Variants in ARHGEF15 observed in about 807,000 individuals in gnomAD.
ARHGEF15 encodes the protein Rho guanine nucleotide exchange factor (GEF) 15.
ARHGEF15 carries 58 observed loss-of-function variants against 79.7 expected under a neutral mutation model. The ratio of observed to expected loss-of-function variants is 0.73; its 90% CI spans 0.59 to 0.91. The LOEUF is 0.91. Ranked by LOEUF, ARHGEF15 falls within the 40% of genes least tolerant of loss-of-function variation. The pLI, the probability that ARHGEF15 is intolerant of heterozygous loss-of-function variation, is 0.00. For synonymous variants in ARHGEF15, 442 were observed against 456.0 expected, an observed-to-expected ratio of 0.97 and a Z score of 0.39; for missense variants, 1,012 against 1,108.1, an observed-to-expected ratio of 0.91 and a Z score of 1.23.
At chr17:8,320,768 C>T (rs1905327951) in intron 15 of ARHGEF15, 74 bp from the exon 16 acceptor site, 1 of 1,407,634 alleles carries the variant, frequency 7.1e-7, no homozygotes, top group Non-Finnish European at 9.9e-7. Context: ...GCCTGAGACC[C>T]CACGAGGCCC....
chr17:8,312,077 C>CA lies in ARHGEF15; in HGVS notation c.38_39insA (p.Gln14AlafsTer39). 1 of 1,418,080 alleles carries CA rather than the reference C, an allele frequency of 7.1e-7. No homozygotes were observed. The highest frequency in any genetic ancestry group is 9.4e-7 in the Non-Finnish European group (1 of 1,068,118). 87.8% of individuals were successfully genotyped at this position (1,418,080 alleles called of 1,614,324 possible). ...TCCCTTCCTGCAGCAACACCCCCCA[C>CA]GCAGAAGCCCCCTCGGATCATCCGC... On this transcript the variant is annotated frameshift_variant, in exon 2 of 16. Coordinates refer to ENST00000361926, the MANE Select transcript of ARHGEF15 (RefSeq NM_173728.4). LOFTEE classifies it high-confidence loss of function.
In ARHGEF15 at chr17:8,313,056, A is replaced by T. The variant is rs774905343; in HGVS notation, c.736A>T (p.Thr246Ser). 8.1e-6 allele frequency: 13 copies of T among 1,608,488 alleles called. No individual in the cohort carries two copies. Among genetic ancestry groups the T allele is most frequent in the Admixed American group, 1.7e-5 (1 of 59,878 alleles). The part of the protein sequence containing the change: ...RVPRRASPLR[T>S]SRSRPHPPSI... The stretch of plus-strand genomic sequence containing the variant: ...CCCCCGTCGGGCCTCCCCGCTGCGG[A>T]CCTCTCGCTCCCGCCCCCACCCTCC... Residue 246 changes from threonine to serine, a missense_variant, in exon 3 of 16, where the codon ACC becomes TCC. Around this residue, in one of 3 missense-constraint regions of ARHGEF15, gnomAD observed 818 missense variants for 882.5 expected, o/e 0.93. Transcript: ENST00000361926.
intron 15 of ARHGEF15, among the ~76,000 whole-genome samples, chr17:8,320,282 A>T (rs1241920614): frequency 6.6e-6 from 1 of 152,154 alleles, no homozygotes; most frequent in East Asian, 1.9e-4. Context: ...TATGGAAAAA[A>T]AAAAAAGTGA....
rs762696212 is a variant in ARHGEF15, at chr17:8,318,526, AG to A, written c.1780-39del. 7 of 1,612,940 alleles carry A rather than the reference AG, an allele frequency of 4.3e-6. No homozygotes were observed. In the Admixed American group the frequency reaches 8.3e-5, roughly 19 times the overall value. On this transcript the variant is annotated intron_variant, in intron 10 of 15. Transcript: ENST00000361926. The surrounding 1 kb of genome is among the most constrained non-coding windows in gnomAD (Gnocchi z 5.0). The stretch of plus-strand genomic sequence containing the variant: ...GTGGTAGAGAGAAATGGTAGGGAGC[AG>A]GGGGCTGGCCGCTGGGGTGGTGACA...
rs1904983158 is a variant in ARHGEF15, at chr17:8,315,780, G to A, written c.1447G>A (p.Val483Met). The A allele has an allele frequency of 1.2e-6, 2 of 1,613,184 alleles. No homozygotes were observed. Among genetic ancestry groups the A allele is most frequent in the Non-Finnish European group, 8.5e-7 (1 of 1,179,954 alleles). ...ERFLATLLSRVRSSPHISDLC... is the reference protein window; with the variant it reads ...ERFLATLLSRMRSSPHISDLC... Reference sequence around the variant, plus strand: ...GTTTCTAGCAACGCTCCTGTCCCGTGTGCGCTCTTCCCCCCACATCAGCGA... The same window carrying A: ...GTTTCTAGCAACGCTCCTGTCCCGTATGCGCTCTTCCCCCCACATCAGCGA... The change falls in exon 8 of 16, where the codon GTG becomes ATG. Residue 483 changes from valine (V) to methionine (M), a missense_variant. Transcript: ENST00000361926. The surrounding 1 kb of genome is among the most constrained non-coding windows in gnomAD (Gnocchi z 4.3).
rs1327188812 is a variant in ARHGEF15 at position 8,315,387 on chromosome 17, C to G, written c.1261-27C>G. On this transcript the variant is annotated intron_variant, in intron 6 of 15. Coordinates refer to ENST00000361926, the MANE Select transcript of ARHGEF15 (RefSeq NM_173728.4). This position sits in a 1 kb window ranked among gnomAD's most constrained non-coding sequence, Gnocchi z 4.3. ...TAGCTTCCCACGGTGAACTGGGCTTCCCACGACTGCCTGCTTTTCTTTCTA... is the reference window on the plus strand; with the variant it reads ...TAGCTTCCCACGGTGAACTGGGCTTGCCACGACTGCCTGCTTTTCTTTCTA... 1 of 1,613,736 alleles carries G rather than the reference C, an allele frequency of 6.2e-7. No homozygotes were observed. The highest frequency in any genetic ancestry group is 8.5e-7 in the Non-Finnish European group (1 of 1,179,852).
Position 8,318,763 on chromosome 17 carries a change from T to C in ARHGEF15, c.1886T>C (p.Val629Ala). Residue 629 changes from valine (V) to alanine (A), a missense_variant, in exon 12 of 16, where the codon GTC becomes GCC. This residue lies in a region of ARHGEF15 where 818 missense variants were observed against 882.5 expected (regional missense o/e 0.93). Coordinates refer to ENST00000361926, the MANE Select transcript of ARHGEF15 (RefSeq NM_173728.4). The surrounding 1 kb of genome is among the most constrained non-coding windows in gnomAD (Gnocchi z 5.0). The part of the protein sequence containing the change: ...RFHKVKALPL[V>A]SWSRRLEFQG... ...GCTTCCTCGCAGGCCCTGCCCCTGGTCTCCTGGTCACGGCGCCTGGAATTC... is the reference window on the plus strand; with the variant it reads ...GCTTCCTCGCAGGCCCTGCCCCTGGCCTCCTGGTCACGGCGCCTGGAATTC... 2 of 1,612,828 alleles carry C rather than the reference T, an allele frequency of 1.2e-6. No homozygotes were observed. The highest frequency in any genetic ancestry group is 4.5e-5 in the East Asian group (2 of 44,862).
rs997462967 is a variant in ARHGEF15, at chr17:8,315,464, G to A, written c.1311G>A (p.Arg437=). 11 of 1,613,820 alleles carry A rather than the reference G, an allele frequency of 6.8e-6. No individual in the cohort carries two copies. The highest frequency in any genetic ancestry group is 9.3e-6 in the Non-Finnish European group (11 of 1,180,026). The change falls in exon 7 of 16, where the codon CGG becomes CGA. Residue 437 remains arginine, a synonymous_variant. Coordinates refer to ENST00000361926, the MANE Select transcript of ARHGEF15 (RefSeq NM_173728.4). The surrounding 1 kb of genome is among the most constrained non-coding windows in gnomAD (Gnocchi z 4.3). ...TSEASYLRSL[R]LLTDTFVLSQ... Reference sequence around the variant, plus strand: ...AGGCTTCCTACCTGCGCTCCCTGCGGCTGCTGACCGACACCTTCGTGCTGA... The same window carrying A: ...AGGCTTCCTACCTGCGCTCCCTGCGACTGCTGACCGACACCTTCGTGCTGA...
At chr17:8,320,656 GC>G (rs1249838625) in intron 15 of ARHGEF15, among the ~76,000 whole-genome samples, 185 bp from the exon 16 acceptor site, 1 of 152,170 alleles carries the variant, frequency 6.6e-6, no homozygotes, top group Admixed American at 6.5e-5. Context: ...CGGAAGAGCA[GC>G]CCAGACTCTC....
In ARHGEF15 at chr17:8,319,390, C is replaced by T. The variant is rs756930544; in HGVS notation, c.2265C>T (p.Asp755=). ...LPCSPDTIYE[D]CDCSQELCSE... ...GCTCCCCAGACACCATCTATGAGGA[C>T]TGTGGTGAGTATCCCCCTAGAGGGG... The change falls in exon 14 of 16, where the codon GAC becomes GAT. Residue 755 remains aspartate, a synonymous_variant. Coordinates refer to ENST00000361926, the MANE Select transcript of ARHGEF15 (RefSeq NM_173728.4). The T allele has an allele frequency of 6.2e-7, 1 of 1,613,634 alleles. No homozygotes were observed. The highest frequency in any genetic ancestry group is 1.7e-5 in the Admixed American group (1 of 59,912).
At chr17:8,310,396 T>G (rs1904529036) in intron 1 of ARHGEF15, 53 bp downstream of exon 1, 1 of 151,764 alleles carries the variant, frequency 6.6e-6, no homozygotes, top group Non-Finnish European at 1.5e-5. Context: ...TGCGGGAGGG[T>G]CCCTGGGTGT....
At position 8,313,052 on chromosome 17, in the gene ARHGEF15, G is replaced by T. The variant is rs1474123376; in HGVS notation, c.732G>T (p.Leu244=). The change falls in exon 3 of 16, where the codon CTG becomes CTT. Residue 244 remains leucine, a synonymous_variant. Coordinates refer to ENST00000361926, the MANE Select transcript of ARHGEF15 (RefSeq NM_173728.4). ...VPRVPRRASP[L]RTSRSRPHPP... Reference sequence around the variant, plus strand: ...GGGTCCCCCGTCGGGCCTCCCCGCTGCGGACCTCTCGCTCCCGCCCCCACC... The same window carrying T: ...GGGTCCCCCGTCGGGCCTCCCCGCTTCGGACCTCTCGCTCCCGCCCCCACC... 3.0e-5 allele frequency: 49 copies of T among 1,613,442 alleles called. No individual in the cohort carries two copies. The highest frequency in any genetic ancestry group is 3.9e-5 in the Non-Finnish European group (46 of 1,179,852).
rs1238534737 is a variant in ARHGEF15 at position 8,313,131 on chromosome 17, G to C, written c.811G>C (p.Glu271Gln). The C allele has an allele frequency of 2.5e-6, 4 of 1,612,560 alleles. No individual in the cohort carries two copies. The highest frequency in any genetic ancestry group is 3.4e-6 in the Non-Finnish European group (4 of 1,179,912). The change falls in exon 3 of 16, where the codon GAG becomes CAG. Residue 271 changes from glutamate (E) to glutamine (Q), a missense_variant. Transcript: ENST00000361926. ...VVLTSYRSTA[E>Q]RKLLPLLKPP... ...CCTCACATCCTACCGCTCCACTGCT[G>C]AGCGCAAACTCCTGCCACTCCTCAA...
In ARHGEF15 at chr17:8,322,300, G is replaced by T. The variant is rs1169961915; in HGVS notation, c.*1307G>T. 1 of 152,424 alleles carries T rather than the reference G, an allele frequency of 6.6e-6. No individual in the cohort carries two copies. The highest frequency in any genetic ancestry group is 1.5e-5 in the Non-Finnish European group (1 of 68,190). 9.4% of individuals were successfully genotyped at this position (152,424 alleles called of 1,614,324 possible). A position where few individuals can be genotyped will look rare whatever the true frequency, so the allele number is the denominator to read the frequency against. On this transcript the variant is annotated 3_prime_UTR_variant, in exon 16 of 16. Transcript: ENST00000361926. The stretch of plus-strand genomic sequence containing the variant: ...GCAAGGCAGACAGTGGCTGGCAGGG[G>T]GGCCCAGGCCCGGGACGAGGCCTCC...
chr17:8,314,885 C>T (rs1433710040), intron 4 of ARHGEF15, 21 bp from the exon 5 acceptor site: 1 of 1,613,352 alleles, frequency 6.2e-7, no homozygotes, highest in East Asian at 2.2e-5. Flanking sequence ...TGGGGACTTC[C>T]TTCCCTTTCT....
At chr17:8,311,663 C>T (rs1035697985) in intron 1 of ARHGEF15, among the ~76,000 whole-genome samples, 3 of 151,758 alleles carry the variant, frequency 2.0e-5, no homozygotes, top group African/African-American at 4.8e-5. Flanking sequence ...ACACTCACAC[C>T]GAGAACTTCC....
chr17:8,321,273 T>C lies in ARHGEF15; in HGVS notation c.*280T>C, dbSNP rs1312695780. On this transcript the variant is annotated 3_prime_UTR_variant, in exon 16 of 16. Coordinates refer to ENST00000361926, the MANE Select transcript of ARHGEF15 (RefSeq NM_173728.4). ...GCTGGCTGAGCCTATGGCCAATGAG[T>C]ATTCCTGCTATGCTCAGGGCCAAGG... 7 of 360,322 alleles carry C rather than the reference T, an allele frequency of 1.9e-5. No homozygotes were observed. Among genetic ancestry groups the C allele is most frequent in the Non-Finnish European group, 3.6e-5 (7 of 197,120 alleles). The allele number at this position is 360,322 out of a possible 1,614,324, so 22.3% of individuals were successfully genotyped here. A position where few individuals can be genotyped will look rare whatever the true frequency, so the allele number is the denominator to read the frequency against.
In ARHGEF15 at chr17:8,315,406, CT is replaced by C. The variant is rs1203166045; in HGVS notation, c.1261-5del. On this transcript the variant is annotated splice_region_variant and splice_polypyrimidine_tract_variant and intron_variant, in intron 6 of 15. Transcript: ENST00000361926. This position sits in a 1 kb window ranked among gnomAD's most constrained non-coding sequence, Gnocchi z 4.3. The stretch of plus-strand genomic sequence containing the variant: ...GGGCTTCCCACGACTGCCTGCTTTT[CT>C]TTCTAGAGTCTTTTCGAGGTGGTGA... The C allele has an allele frequency of 3.7e-6, 6 of 1,613,854 alleles. No homozygotes were observed. Among genetic ancestry groups the C allele is most frequent in the Non-Finnish European group, 5.1e-6 (6 of 1,179,974 alleles).
At chr17:8,317,206 T>C (rs1441096687) in intron 9 of ARHGEF15, among the ~76,000 whole-genome samples, 1 of 152,140 alleles carries the variant, frequency 6.6e-6, no homozygotes, top group Non-Finnish European at 1.5e-5. Context: ...GCTCAAGGGA[T>C]CCTTGTGCCT....
Sources: allele counts gnomAD v4.1 joint callset (sites outside exome capture counted in the v4.1 genomes callset), GRCh38; gene constraint gnomAD v4.1.1; regional missense constraint gnomAD v4.1.1; non-coding constraint Gnocchi (gnomAD v3.1); transcripts MANE v1.5; gene names NCBI Gene and HGNC (gene_info 2026-07-23, HGNC 2026-07-21).